The following MYH7 variants were observed in gnomAD, a reference collection of about 807,000 sequenced individuals.
MYH7 encodes myosin-7.
A neutral mutation model predicts 225.4 loss-of-function variants in MYH7; 129 were observed. That is an observed-to-expected ratio of 0.57 (90% CI 0.50 to 0.66). The LOEUF is 0.66. MYH7 is among the 30% of genes least tolerant of loss of function. The pLI is 0.00. For synonymous variants in MYH7, 971 were observed against 1,007.6 expected (o/e 0.96, Z 0.69); for missense variants, 1,649 against 2,517.0 (o/e 0.66, Z 7.38).
intron 11 of MYH7, among the ~76,000 whole-genome samples, chr14:23,430,326 C>G (rs1447698291): frequency 6.6e-6 from 1 of 152,186 alleles, no homozygotes; most frequent in South Asian, 2.1e-4. Flanking sequence ...TTGTGTGTCT[C>G]TCTGTCTCAT....
rs145417343 is a variant in MYH7, at chr14:23,424,812, G to T, written c.2636C>A (p.Ser879Tyr). The change falls in exon 22 of 40, where the codon TCC (serine) becomes TAC (tyrosine). Residue 879 changes from serine to tyrosine, a missense_variant. This residue lies in a region of MYH7 where 282 missense variants were observed against 315.3 expected (regional missense o/e 0.89). Transcript: ENST00000355349. ...RRKELEEKMV[S>Y]LLQEKNDLQL... ...CAGGTCATTCTTCTCCTGCAGCAGGGACACCATCTTCTCCTCCAGCTCCTT... is the reference window on the plus strand; with the variant it reads ...CAGGTCATTCTTCTCCTGCAGCAGGTACACCATCTTCTCCTCCAGCTCCTT... 6.2e-7 allele frequency: 1 copy of T among 1,614,196 alleles called. No homozygotes were observed.
At chr14:23,418,428 G>A in intron 29 of MYH7, 22 bp from the exon 30 acceptor site, 1 of 1,593,564 alleles carries the variant, frequency 6.3e-7, no homozygotes, top group Non-Finnish European at 8.6e-7. Context: ...TGGGCACCAG[G>A]AGGTGGGTTC....
Position 23,424,779 on chromosome 14 carries a change from T to C in MYH7, c.2669A>G (p.Gln890Arg). The C allele has an allele frequency of 1.2e-6, 2 of 1,614,156 alleles. No homozygotes were observed. Among genetic ancestry groups the C allele is most frequent in the Non-Finnish European group, 1.7e-6 (2 of 1,180,034 alleles). ...LLQEKNDLQL[Q>R]VQAEQDNLAD... Reference sequence around the variant, plus strand: ...GCCCAGGAGCCTCACCGCCTGCACTTGGAGCTGCAGGTCATTCTTCTCCTG... The same window carrying C: ...GCCCAGGAGCCTCACCGCCTGCACTCGGAGCTGCAGGTCATTCTTCTCCTG... Residue 890 changes from glutamine (Q) to arginine (R), a missense_variant, in exon 22 of 40, where the codon CAA (glutamine) becomes CGA (arginine). This residue lies in a region of MYH7 where 282 missense variants were observed against 315.3 expected (regional missense o/e 0.89). Transcript: ENST00000355349.
Position 23,420,024 on chromosome 14 carries a change from G to A in MYH7, c.3547C>T (p.Leu1183=). 1.9e-6 allele frequency: 3 copies of A among 1,579,172 alleles called. No individual in the cohort carries two copies. Among genetic ancestry groups the A allele is most frequent in the Non-Finnish European group, 2.6e-6 (3 of 1,157,246 alleles). The change falls in exon 27 of 40, where the codon CTG becomes TTG. Residue 1183 remains leucine (L), a synonymous_variant. Transcript: ENST00000355349. ...GCCGCGGCAGTGGCCTCGTGCTGCA[G>A]CGTGGCCTCCTCCAGGTCCCGCCGC... ...KMRRDLEEAT[L]QHEATAAALR...
At chr14:23,413,222 T>C (rs551320681) in intron 39 of MYH7, among the ~76,000 whole-genome samples, 2 of 152,162 alleles carry the variant, frequency 1.3e-5, no homozygotes, top group African/African-American at 4.8e-5. Context: ...ATACTGGTTG[T>C]ATATAAATTA....
In MYH7 at chr14:23,428,782, G is replaced by T. The variant is rs1344467411; in HGVS notation, c.1408-112C>A. 3.2e-6 allele frequency: 5 copies of T among 1,584,528 alleles called. No individual in the cohort carries two copies. The African/African-American group carries it at 6.7e-5, about 21-fold the overall frequency. On this transcript the variant is annotated intron_variant, in intron 14 of 39. Coordinates refer to ENST00000355349, the MANE Select transcript of MYH7 (RefSeq NM_000257.4). ...GCAGGGCGTGGCTGGTCCCCTCCAT[G>T]TCAAGGCAGTGAAGGAGGGCTTCCC...
In MYH7 at chr14:23,424,697, A is replaced by C. The variant is rs180967236; in HGVS notation, c.2679+72T>G. The stretch of plus-strand genomic sequence containing the variant: ...GGAACAAGACAGTGAGCCCCTGTGC[A>C]GGGAGGTGCAGGGTTGTGGGAAGTG... On this transcript the variant is annotated intron_variant, in intron 22 of 39. Coordinates refer to ENST00000355349, the MANE Select transcript of MYH7 (RefSeq NM_000257.4). 65 of 1,606,842 alleles carry C rather than the reference A, an allele frequency of 4.0e-5. No homozygotes were observed. The Admixed American group carries it at 5.0e-4, about 12-fold the overall frequency.
chr14:23,432,916 A>T (rs545102064), intron 4 of MYH7, 121 bp from the exon 5 acceptor site: 2 of 1,497,954 alleles, frequency 1.3e-6, no homozygotes, highest in East Asian at 4.7e-5. Flanking sequence ...CATGCACTCA[A>T]TCTGAGTAAT....
At chr14:23,414,898 C>T in intron 37 of MYH7, 97 bp downstream of exon 37, 15 of 1,589,410 alleles carry the variant, frequency 9.4e-6, no homozygotes, top group Non-Finnish European at 9.4e-6. Context: ...CCATCCTCGC[C>T]CTGGAAGAGG....
rs1050742545 is a variant in MYH7, at chr14:23,432,804, A to G, written c.346-9T>C. ...AAGAGGCCCGAGTAGGTCTGGGGAT[A>G]GAAAAGGAGCAGTGACTTGCCAGTT... On this transcript the variant is annotated splice_polypyrimidine_tract_variant and intron_variant, in intron 4 of 39. Transcript: ENST00000355349. The G allele has an allele frequency of 3.1e-6, 5 of 1,614,042 alleles. No homozygotes were observed. The African/African-American group carries it at 5.3e-5, about 17-fold the overall frequency.
chr14:23,413,010 A>G, intron 39 of MYH7, 139 bp from the exon 40 acceptor site: 1 of 850,702 alleles, frequency 1.2e-6, no homozygotes, highest in Non-Finnish European at 1.9e-6. Flanking sequence ...TGGCAGCAGC[A>G]CATGTGTTTC....
rs2138672293 is a variant in MYH7, at chr14:23,427,749, G to A, written c.1724C>T (p.Ala575Val). 1 of 1,614,198 alleles carries A rather than the reference G, an allele frequency of 6.2e-7. No individual in the cohort carries two copies. Among genetic ancestry groups the A allele is most frequent in the South Asian group, 1.1e-5 (1 of 91,088 alleles). Reference protein sequence around the residue: ...KPRNIKGKPEAHFSLIHYAGI... With the variant: ...KPRNIKGKPEVHFSLIHYAGI... ...GGCATAGTGGATCAGGGAGAAGTGG[G>A]CTTCAGGCTTCCCCTTGATATTGCG... Residue 575 changes from alanine (A) to valine (V), a missense_variant, in exon 16 of 40, where the codon GCC (alanine) becomes GTC (valine). Transcript: ENST00000355349.
At chr14:23,424,224 C>T in intron 22 of MYH7, 75 bp from the exon 23 acceptor site, 1 of 1,584,878 alleles carries the variant, frequency 6.3e-7, no homozygotes, top group Non-Finnish European at 8.6e-7. Flanking sequence ...GAAGGAGAGG[C>T]ACATCACTCA....
Position 23,427,843 on chromosome 14 carries a change from T to C in MYH7, c.1630A>G (p.Thr544Ala), listed in dbSNP as rs397516119. 4.3e-6 allele frequency: 7 copies of C among 1,614,176 alleles called. No individual in the cohort carries two copies. Among genetic ancestry groups the C allele is most frequent in the Non-Finnish European group, 5.9e-6 (7 of 1,180,030 alleles). The change falls in exon 16 of 40, where the codon ACC becomes GCC. Residue 544 changes from threonine (T) to alanine (A), a missense_variant. Around this residue, in one of 12 missense-constraint regions of MYH7, gnomAD observed 76 missense variants for 233.8 expected, o/e 0.33. Coordinates refer to ENST00000355349, the MANE Select transcript of MYH7 (RefSeq NM_000257.4). ...LEEECMFPKA[T>A]DMTFKAKLFD... is the part of the protein sequence containing the mutation. ...AGCTTGGCCTTGAAGGTCATGTCGG[T>C]GGCCTTGGGGAACATGCACTCCTCT...
At chr14:23,419,641 G>T (rs749887100) in intron 27 of MYH7, 32 bp from the exon 28 acceptor site, 17 of 1,613,762 alleles carry the variant, frequency 1.1e-5, no homozygotes, top group Admixed American at 5.0e-5. Context: ...TATGATGGAT[G>T]TTGGGGGCGG....
In MYH7 at chr14:23,431,610, A is replaced by G. The variant is rs397516262; in HGVS notation, c.707T>C (p.Val236Ala). ...GAAGCGGGAGGAGTTGTCGTTCCGGACGGTCTTGGCATTGCCAAAGGCCTC... is the reference window on the plus strand; with the variant it reads ...GAAGCGGGAGGAGTTGTCGTTCCGGGCGGTCTTGGCATTGCCAAAGGCCTC... ...ALEAFGNAKT[V>A]RNDNSSRFGK... Residue 236 changes from valine to alanine, a missense_variant, in exon 8 of 40, where the codon GTC becomes GCC. Transcript: ENST00000355349. The G allele has an allele frequency of 1.9e-6, 3 of 1,614,268 alleles. No homozygotes were observed. Among genetic ancestry groups the G allele is most frequent in the Non-Finnish European group, 2.5e-6 (3 of 1,180,042 alleles).
Position 23,423,845 on chromosome 14 carries a change from G to A in MYH7, c.2922+62C>T, listed in dbSNP as rs545354807. 9.9e-4 allele frequency: 1,603 copies of A among 1,613,598 alleles called. 12 individuals are homozygous for A. In the African/African-American group the frequency reaches 0.016, roughly 16 times the overall value. On this transcript the variant is annotated intron_variant, in intron 23 of 39. Transcript: ENST00000355349. ...ATGCCGAGTGGCTAGCCTGGGTCAA[G>A]GTCAGTATGGTCTGAGAGTCCTGAT...
Position 23,429,760 on chromosome 14 carries a change from A to G in MYH7, c.1138+15T>C. 1 of 1,611,370 alleles carries G rather than the reference A, an allele frequency of 6.2e-7. No individual in the cohort carries two copies. Among genetic ancestry groups the G allele is most frequent in the East Asian group, 2.2e-5 (1 of 44,836 alleles). On this transcript the variant is annotated intron_variant, in intron 12 of 39. Transcript: ENST00000355349. ...CATGACTTGACAGCTGCCCCCAAGA[A>G]TCCCTGCCTCCCACCTTCAGTGCCG...
chr14:23,427,791 G>C lies in MYH7; in HGVS notation c.1682C>G (p.Ala561Gly). 1 of 1,614,186 alleles carries C rather than the reference G, an allele frequency of 6.2e-7. No homozygotes were observed. Residue 561 changes from alanine to glycine, a missense_variant, in exon 16 of 40, where the codon GCC (alanine) becomes GGC (glycine). Physicochemically the swap from Ala to Gly is moderately conservative, Grantham distance 60. This residue lies in a region of MYH7 where 112 missense variants were observed against 161.9 expected (regional missense o/e 0.69). Transcript: ENST00000355349. ...KLFDNHLGKS[A>G]NFQKPRNIKG... ...GATATTGCGTGGCTTCTGGAAGTTGGCGGATTTGCCCAGGTGGTTGTCAAA... is the reference window on the plus strand; with the variant it reads ...GATATTGCGTGGCTTCTGGAAGTTGCCGGATTTGCCCAGGTGGTTGTCAAA...
Sources: allele counts gnomAD v4.1 joint callset (sites outside exome capture counted in the v4.1 genomes callset), GRCh38; gene constraint gnomAD v4.1.1; regional missense constraint gnomAD v4.1.1; transcripts MANE v1.5; gene names NCBI Gene and HGNC (gene_info 2026-07-23, HGNC 2026-07-21).